Variants in ATP13A2 observed in about 807,000 individuals in gnomAD.
ATP13A2 encodes the protein ATPase cation transporting 13A2.
ATP13A2 carries 83 observed loss-of-function variants against 138.3 expected under a neutral mutation model. That is an observed-to-expected ratio of 0.60 (90% CI 0.50 to 0.72). The LOEUF is 0.72. Among genes scored for constraint, ATP13A2 ranks in the 30% least tolerant of loss-of-function variants. The pLI, the probability that ATP13A2 is intolerant of heterozygous loss-of-function variation, is 0.00. For missense variants in ATP13A2, 1,402 were observed against 1,606.4 expected, an observed-to-expected ratio of 0.87 and a Z score of 2.17; for synonymous variants, 663 against 699.0, an observed-to-expected ratio of 0.95 and a Z score of 0.81.
At chr1:17,008,520 C>T (rs1366885447) in intron 1 of ATP13A2, among the ~76,000 whole-genome samples, 4 of 152,142 alleles carry the variant, frequency 2.6e-5, no homozygotes, top group South Asian at 2.1e-4. Context: ...GGGCAGGACC[C>T]GGCTCCCAGG....
chr1:17,008,500 G>A (rs1305050320), intron 1 of ATP13A2, among the ~76,000 whole-genome samples: 1 of 152,170 alleles, frequency 6.6e-6, no homozygotes, highest in African/African-American at 2.4e-5. Context: ...GGGGGGTTGC[G>A]TGGACAGGTG....
rs769337404 is a variant in ATP13A2, at chr1:16,986,305, C to T, written c.3459G>A (p.Arg1153=). 1 of 1,594,294 alleles carries T rather than the reference C, an allele frequency of 6.3e-7. No individual in the cohort carries two copies. The stretch of plus-strand genomic sequence containing the variant: ...GCTGCTTGAAGCGCTTCTTGGAGGC[C>T]CGCTTGGGCCGGAGGCGGCGCAGGC... ...PACLRRLRPK[R]ASKKRFKQLE... Residue 1153 remains arginine (R), a synonymous_variant, in exon 29 of 29, where the codon CGG becomes CGA. Coordinates refer to ENST00000326735, the MANE Select transcript of ATP13A2 (RefSeq NM_022089.4). This position sits in a 1 kb window ranked among gnomAD's most constrained non-coding sequence, Gnocchi z 6.9.
At chr1:17,005,975 A>G (rs999137866) in intron 1 of ATP13A2, among the ~76,000 whole-genome samples, 197 bp from the exon 2 acceptor site, 1 of 152,100 alleles carries the variant, frequency 6.6e-6, no homozygotes, top group African/African-American at 2.4e-5. Flanking sequence ...CTCTACTAAA[A>G]ATAAAAAAAA....
At position 17,004,683 on chromosome 1, in the gene ATP13A2, A is replaced by T; in HGVS notation, c.477+9T>A. 6.2e-7 allele frequency: 1 copy of T among 1,614,040 alleles called. No homozygotes were observed. Among genetic ancestry groups the T allele is most frequent in the South Asian group, 1.1e-5 (1 of 91,078 alleles). On this transcript the variant is annotated intron_variant, in intron 5 of 28. Transcript: ENST00000326735. This position sits in a 1 kb window ranked among gnomAD's most constrained non-coding sequence, Gnocchi z 4.1. ...CCGAGAGAGGGGCAAGGACTTTTTC[A>T]GAACCCACCTGTCCGACACTCACCG...
Position 16,987,169 on chromosome 1 carries a change from A to G in ATP13A2, c.2960T>C (p.Leu987Pro). The change falls in exon 26 of 29, where the codon CTG (leucine) becomes CCG (proline). Residue 987 changes from leucine (L) to proline (P), a missense_variant. Transcript: ENST00000326735. ...CGCCCCCGGTGGCCGCACCCGTCCC[A>G]GGACCAGCGCTGGCCCCGTGCGGCT... ...LMSRTGPALV[L>P]GRVRPPGALL... The G allele has an allele frequency of 6.2e-7, 1 of 1,613,552 alleles. No homozygotes were observed. Among genetic ancestry groups the G allele is most frequent in the Non-Finnish European group, 8.5e-7 (1 of 1,179,822 alleles).
Position 17,005,015 on chromosome 1 carries a change from T to G in ATP13A2, c.346A>C (p.Ser116Arg), listed in dbSNP as rs1316018187. 1.9e-6 allele frequency: 3 copies of G among 1,613,976 alleles called. No homozygotes were observed. Residue 116 changes from serine (S) to arginine (R), a missense_variant and splice_region_variant, in exon 4 of 29, where the codon AGC becomes CGC. By Grantham distance (110) the Ser-to-Arg change is moderately radical (BLOSUM62 -1). Coordinates refer to ENST00000326735, the MANE Select transcript of ATP13A2 (RefSeq NM_022089.4). ...GAAGGGGCAATGGGGCTGCCTCACCTGCCCTCGCCGATGGCCTCAGTCTGC... is the reference window on the plus strand; with the variant it reads ...GAAGGGGCAATGGGGCTGCCTCACCGGCCCTCGCCGATGGCCTCAGTCTGC... ...QVQTEAIGEG[S>R]LEPSPQSQAE...
Position 16,990,172 on chromosome 1 carries a change from G to A in ATP13A2, c.2367C>T (p.Leu789=), listed in dbSNP as rs140048110. ...TGGGGGACTCCATCGGCAGGAACTC[G>A]AGAGAGGCAGGCTGACCCCGCTCAG... ...THPERGQPAS[L]EFLPMESPTA... Residue 789 remains leucine, a synonymous_variant, in exon 21 of 29, where the codon CTC becomes CTT. Transcript: ENST00000326735. 570 of 1,614,010 alleles carry A rather than the reference G, an allele frequency of 3.5e-4. 2 individuals carry two copies. In the African/African-American group the frequency reaches 6.8e-3, roughly 19 times the overall value.
chr1:16,998,571 G>A (rs1336319207), intron 11 of ATP13A2, among the ~76,000 whole-genome samples: 4 of 152,048 alleles, frequency 2.6e-5, no homozygotes, highest in Admixed American at 2.6e-4. Flanking sequence ...ACTATCCTGT[G>A]GTTTTTAGTA....
At chr1:16,994,345 G>A (rs543722402) in intron 15 of ATP13A2, among the ~76,000 whole-genome samples, 2 of 152,082 alleles carry the variant, frequency 1.3e-5, no homozygotes, top group Admixed American at 6.5e-5. Flanking sequence ...TGATTCTCCT[G>A]CCTCAGCCTC....
chr1:17,004,918 G>A lies in ATP13A2; in HGVS notation c.347+96C>T, dbSNP rs150972281. The A allele has an allele frequency of 1.6e-5, 25 of 1,610,634 alleles. No homozygotes were observed. The highest frequency in any genetic ancestry group is 4.5e-5 in the East Asian group (2 of 44,846). The stretch of plus-strand genomic sequence containing the variant: ...ATCTTCCCTCCCTAGGATGGGAGGC[G>A]CCAGAGTCAGCCTTTATGGGGGGGC... On this transcript the variant is annotated intron_variant, in intron 4 of 28. Coordinates refer to ENST00000326735, the MANE Select transcript of ATP13A2 (RefSeq NM_022089.4). This position sits in a 1 kb window ranked among gnomAD's most constrained non-coding sequence, Gnocchi z 4.1.
At position 17,004,210 on chromosome 1, in the gene ATP13A2, G is replaced by T; in HGVS notation, c.557+122C>A. ...TGGAGGGGCTCAGTAACCTGCCCAA[G>T]GTTTCAGACAGCAAAAGCATCAGAG... On this transcript the variant is annotated intron_variant, in intron 6 of 28. Transcript: ENST00000326735. The surrounding 1 kb of genome is among the most constrained non-coding windows in gnomAD (Gnocchi z 4.1). The T allele has an allele frequency of 2.9e-6, 3 of 1,051,668 alleles. No individual in the cohort carries two copies. The highest frequency in any genetic ancestry group is 2.9e-6 in the Non-Finnish European group (2 of 693,528). 65.1% of individuals were successfully genotyped at this position (1,051,668 alleles called of 1,614,324 possible).
rs935118855 is a variant in ATP13A2, at chr1:16,989,782, G to A, written c.2530-12C>T. On this transcript the variant is annotated splice_polypyrimidine_tract_variant and intron_variant, in intron 22 of 28. Coordinates refer to ENST00000326735, the MANE Select transcript of ATP13A2 (RefSeq NM_022089.4). ...CCCTGGACCAGGACCTGGGAGCACA[G>A]GGAGATGGGGGAGGGCTGAGGCACC... The A allele has an allele frequency of 6.2e-7, 1 of 1,613,912 alleles. No individual in the cohort carries two copies. Among genetic ancestry groups the A allele is most frequent in the Non-Finnish European group, 8.5e-7 (1 of 1,179,932 alleles).
Position 16,987,241 on chromosome 1 carries a change from A to C in ATP13A2, c.2888T>G (p.Phe963Cys). 6.2e-7 allele frequency: 1 copy of C among 1,613,844 alleles called. No individual in the cohort carries two copies. Among genetic ancestry groups the C allele is most frequent in the Non-Finnish European group, 8.5e-7 (1 of 1,179,818 alleles). Reference sequence around the variant, plus strand: ...GGTGATGACCAGGTCGATGGCCAGGAACTGCAGGTCACCCAGGTTGGTGTT... The same window carrying C: ...GGTGATGACCAGGTCGATGGCCAGGCACTGCAGGTCACCCAGGTTGGTGTT... ...TINTNLGDLQ[F>C]LAIDLVITTT... The change falls in exon 26 of 29, where the codon TTC (phenylalanine) becomes TGC (cysteine). Residue 963 changes from phenylalanine to cysteine, a missense_variant. Coordinates refer to ENST00000326735, the MANE Select transcript of ATP13A2 (RefSeq NM_022089.4).
At chr1:17,000,983 C>T (rs962741051) in intron 8 of ATP13A2, 7 of 178,816 alleles carry the variant, frequency 3.9e-5, no homozygotes, top group South Asian at 1.2e-4. Context: ...AGGGTATTTA[C>T]TGAACCCCCA....
chr1:16,995,340 C>A lies in ATP13A2; in HGVS notation c.1542+636G>T. 1 of 184,740 alleles carries A rather than the reference C, an allele frequency of 5.4e-6. No homozygotes were observed. The highest frequency in any genetic ancestry group is 1.1e-5 in the Non-Finnish European group (1 of 87,756). The allele number at this position is 184,740 out of a possible 1,614,324, so 11.4% of individuals were successfully genotyped here. A position where few individuals can be genotyped will look rare whatever the true frequency, so the allele number is the denominator to read the frequency against. On this transcript the variant is annotated intron_variant, in intron 15 of 28. Coordinates refer to ENST00000326735, the MANE Select transcript of ATP13A2 (RefSeq NM_022089.4). The surrounding 1 kb of genome is among the most constrained non-coding windows in gnomAD (Gnocchi z 4.1). The stretch of plus-strand genomic sequence containing the variant: ...GCCCCAGCAGCTCCTTTGTGCACTC[C>A]TGGATCACTTACTTTGGTGGGGGAC...
In ATP13A2 at chr1:16,988,308, C is replaced by T; in HGVS notation, c.2762+14G>A. 6.2e-7 allele frequency: 1 copy of T among 1,614,212 alleles called. No homozygotes were observed. Among genetic ancestry groups the T allele is most frequent in the Non-Finnish European group, 8.5e-7 (1 of 1,180,032 alleles). ...CCTGCTGAGCCCTCACCCACCGGTC[C>T]CTGCCTGCCTTACCTGATGACCATG... On this transcript the variant is annotated intron_variant, in intron 24 of 28. Transcript: ENST00000326735.
rs558755546 is a variant in ATP13A2, at chr1:17,011,281, C to T, written c.10+448G>A. Among the ~76,000 whole-genome samples, 3 of 152,122 alleles carry T rather than the reference C, an allele frequency of 2.0e-5. No homozygotes were observed. The highest frequency in any genetic ancestry group is 4.4e-5 in the Non-Finnish European group (3 of 67,998). On this transcript the variant is annotated intron_variant, in intron 1 of 28. Coordinates refer to ENST00000326735, the MANE Select transcript of ATP13A2 (RefSeq NM_022089.4). The surrounding 1 kb of genome is among the most constrained non-coding windows in gnomAD (Gnocchi z 7.3). ...ATCTACCCAGGAAATGGAGTCCCGACTCCCCCAACGCCATTCATTCATTCA... is the reference window on the plus strand; with the variant it reads ...ATCTACCCAGGAAATGGAGTCCCGATTCCCCCAACGCCATTCATTCATTCA...
chr1:16,993,732 C>A lies in ATP13A2; in HGVS notation c.1646G>T (p.Gly549Val). 6.3e-7 allele frequency: 1 copy of A among 1,594,220 alleles called. No homozygotes were observed. The highest frequency in any genetic ancestry group is 2.3e-5 in the East Asian group (1 of 43,934). Residue 549 changes from glycine (G) to valine (V), a missense_variant, in exon 16 of 29, where the codon GGG (glycine) becomes GTG (valine). Gly to Val is a moderately radical substitution (Grantham distance 109). Coordinates refer to ENST00000326735, the MANE Select transcript of ATP13A2 (RefSeq NM_022089.4). ...LVPEPRRLPV[G>V]PLLRALATCH... ...GGTGGCCAGTGCTCGGAGCAGGGGC[C>A]CCACAGGCAGGCGGCGAGGCTCTGG...
Position 16,989,922 on chromosome 1 carries a change from T to C in ATP13A2, c.2494A>G (p.Ile832Val). 3 of 1,601,380 alleles carry C rather than the reference T, an allele frequency of 1.9e-6. No homozygotes were observed. Among genetic ancestry groups the C allele is most frequent in the Non-Finnish European group, 2.6e-6 (3 of 1,173,946 alleles). The change falls in exon 22 of 29, where the codon ATC (isoleucine) becomes GTC (valine). Residue 832 changes from isoleucine to valine, a missense_variant. Ile to Val is a conservative substitution (Grantham distance 29). Transcript: ENST00000326735. ...AGCTTGGGGAAGTGCTTCACAATGA[T>C]ACCAAAGGTGGGCCCGCTGAGGGCC... ...HLALSGPTFGIIVKHFPKLLP... is the reference protein window; with the variant it reads ...HLALSGPTFGVIVKHFPKLLP...
Sources: gnomAD v4.1 joint callset for allele counts (sites outside exome capture counted in the v4.1 genomes callset) on GRCh38, gnomAD v4.1.1 for gene constraint, Gnocchi (gnomAD v3.1) non-coding constraint, MANE v1.5 for transcripts, NCBI Gene and HGNC (gene_info 2026-07-23, HGNC 2026-07-21) for gene names.